ASAH2: variants seen among roughly 807,000 people sequenced by gnomAD.
ASAH2 encodes the protein N-acylsphingosine amidohydrolase 2.
In ASAH2, 58 loss-of-function variants were observed where a neutral mutation model predicts 82.9. That is an observed-to-expected ratio of 0.70 (90% confidence interval 0.57 to 0.87). The LOEUF (loss-of-function observed/expected upper bound fraction) is 0.87, where lower values mean the gene tolerates loss of function less well. Among genes scored for constraint, ASAH2 ranks in the 40% least tolerant of loss-of-function variants. The probability of loss-of-function intolerance (pLI) is 0.00; values close to 1 mark genes in which losing one functional copy is unlikely to be tolerated. For missense variants in ASAH2, 779 were observed against 834.0 expected (o/e 0.93, Z 0.81); for synonymous variants, 276 against 289.7 (o/e 0.95, Z 0.48).
chr10:50,214,566 T>C lies in ASAH2; in HGVS notation c.1140+177A>G, dbSNP rs1006579838. Among the ~76,000 whole-genome samples the C allele has an allele frequency of 9.2e-4, 140 of 152,326 alleles. 1 individual carries two copies. The East Asian group carries it at 0.026, about 28-fold the overall frequency. On this transcript the variant is annotated intron_variant, in intron 9 of 20. Transcript: ENST00000682911. ...AGTCACTCAAATGGAAAAATATAAC[T>C]TCACTCAGTTAAAATTTACTGGGTT...
chr10:50,211,110 C>T lies in ASAH2; in HGVS notation c.1252G>A (p.Glu418Lys), dbSNP rs1845443874. ...AKELYASASQ[E>K]VTGPLASAHQ... Reference sequence around the variant, plus strand: ...GCTGAAGCCAGTGGTCCTGTTACCTCCTGGGAGGCAGAGGCATAGAGTTCC... The same window carrying T: ...GCTGAAGCCAGTGGTCCTGTTACCTTCTGGGAGGCAGAGGCATAGAGTTCC... Residue 418 changes from glutamate (E) to lysine (K), a missense_variant, in exon 11 of 21, where the codon GAG becomes AAG. By Grantham distance (56) the Glu-to-Lys change is moderately conservative. Around this residue, in one of 3 missense-constraint regions of ASAH2, gnomAD observed 759 missense variants for 755.2 expected, o/e 1.00. Transcript: ENST00000682911. 11 of 1,613,390 alleles carry T rather than the reference C, an allele frequency of 6.8e-6. No homozygotes were observed. In the Admixed American group the frequency reaches 1.3e-4, roughly 20 times the overall value.
At chr10:50,221,952 G>A (rs913799578) in intron 7 of ASAH2, among the ~76,000 whole-genome samples, 2 of 152,220 alleles carry the variant, frequency 1.3e-5, no homozygotes, top group South Asian at 2.1e-4. Context: ...GAAGAGCTAC[G>A]CAAAGGAATC....
intron 2 of ASAH2, among the ~76,000 whole-genome samples, chr10:50,246,902 A>G (rs541942932): frequency 6.6e-6 from 1 of 152,348 alleles, no homozygotes; most frequent in South Asian, 2.1e-4. Context: ...AGTTATTTAC[A>G]ATCTCAGGGT....
chr10:50,207,304 A>G (rs1472186057), intron 12 of ASAH2, among the ~76,000 whole-genome samples: 2 of 151,872 alleles, frequency 1.3e-5, no homozygotes, highest in African/African-American at 2.4e-5. Context: ...AAATGTTGAA[A>G]AAGAAGGAAA....
At chr10:50,196,387 G>T (rs1382049987) in intron 18 of ASAH2, among the ~76,000 whole-genome samples, 3 of 151,458 alleles carry the variant, frequency 2.0e-5, no homozygotes, top group Non-Finnish European at 3.0e-5. Context: ...CCTCCCCCCA[G>T]AAAAACTGTT....
At chr10:50,202,103 G>T (rs1845164255) in intron 16 of ASAH2, among the ~76,000 whole-genome samples, 1 of 152,166 alleles carries the variant, frequency 6.6e-6, no homozygotes, top group South Asian at 2.1e-4. Flanking sequence ...TTCCTAGAAG[G>T]CAGGGACCTT....
chr10:50,225,735 A>G (rs985460811), intron 7 of ASAH2, among the ~76,000 whole-genome samples: 45 of 152,320 alleles, frequency 3.0e-4, no homozygotes, highest in African/African-American at 1.1e-3. Context: ...TCTTTGGCTC[A>G]GGAATCCCAT....
rs937475529 is a variant in ASAH2, at chr10:50,223,425, T to C, written c.894-4795A>G. On this transcript the variant is annotated intron_variant, in intron 7 of 20. Coordinates refer to ENST00000682911, the MANE Select transcript of ASAH2 (RefSeq NM_019893.4). ...CAGCCTCTGTGCAGCTCACTGAGCCTGGCACTTCAGCCAGCCCAGAAAAGA... is the reference window on the plus strand; with the variant it reads ...CAGCCTCTGTGCAGCTCACTGAGCCCGGCACTTCAGCCAGCCCAGAAAAGA... Among the ~76,000 whole-genome samples the C allele has an allele frequency of 3.7e-3, 557 of 152,264 alleles. 4 individuals are homozygous for C. Among genetic ancestry groups the C allele is most frequent in the African/African-American group, 0.012 (515 of 41,550 alleles).
rs1185585449 is a variant in ASAH2 at position 50,251,470 on chromosome 10, T to G, written c.-112A>C. Among the ~76,000 whole-genome samples the G allele has an allele frequency of 1.3e-5, 2 of 152,170 alleles. No individual in the cohort carries two copies. The highest frequency in any genetic ancestry group is 2.9e-5 in the Non-Finnish European group (2 of 68,022). On this transcript the variant is annotated 5_prime_UTR_variant, in exon 1 of 21. Transcript: ENST00000682911. ...ATCCAGAATCCTGTCCCCTTTCCCC[T>G]TGCACGTTGCTGGGCTTACACCTCT...
intron 1 of ASAH2, among the ~76,000 whole-genome samples, chr10:50,251,061 C>G (rs1846600665): frequency 1.3e-5 from 2 of 152,150 alleles, no homozygotes. Flanking sequence ...GATGCCTTCC[C>G]TGCCTTTAGA....
At chr10:50,206,660 A>G (rs1171427035) in intron 12 of ASAH2, among the ~76,000 whole-genome samples, 2 of 151,832 alleles carry the variant, frequency 1.3e-5, no homozygotes, top group African/African-American at 4.8e-5. Context: ...TGAATTAAGA[A>G]TCTATACTCT....
intron 18 of ASAH2, among the ~76,000 whole-genome samples, chr10:50,196,044 T>C (rs1285177871): frequency 2.6e-5 from 4 of 151,860 alleles, no homozygotes; most frequent in African/African-American, 4.8e-5. Flanking sequence ...TAAGAAAGTC[T>C]CAAATTTTCT....
At chr10:50,240,441 G>A in intron 4 of ASAH2, 1 of 701,900 alleles carries the variant, frequency 1.4e-6, no homozygotes, top group East Asian at 2.7e-5. Flanking sequence ...CTCACTTCTA[G>A]TTCCACTCTA....
At chr10:50,237,735 T>C in intron 4 of ASAH2, among the ~76,000 whole-genome samples, 1 of 152,204 alleles carries the variant, frequency 6.6e-6, no homozygotes, top group East Asian at 1.9e-4. Context: ...TTGCTGATTA[T>C]GCTTTAATAA....
intron 4 of ASAH2, among the ~76,000 whole-genome samples, chr10:50,241,687 C>T (rs577125613): frequency 1.3e-5 from 2 of 152,254 alleles, no homozygotes; most frequent in African/African-American, 4.8e-5. Flanking sequence ...GGCACATATA[C>T]ACCATGGAAT....
intron 18 of ASAH2, among the ~76,000 whole-genome samples, chr10:50,193,413 G>T (rs1844893978): frequency 6.8e-6 from 1 of 148,024 alleles, no homozygotes; most frequent in Non-Finnish European, 1.5e-5. Flanking sequence ...ATCATAGAGA[G>T]GATAGCTGCA....
intron 18 of ASAH2, among the ~76,000 whole-genome samples, chr10:50,193,994 T>G (rs2669793): frequency 8.2e-4 from 122 of 149,204 alleles, no homozygotes; most frequent in African/African-American, 2.6e-3. Flanking sequence ...ATATGAATGG[T>G]CATATAACAA....
chr10:50,202,966 T>C (rs1845195287), intron 15 of ASAH2, 42 bp from the exon 16 acceptor site: 2 of 1,202,334 alleles, frequency 1.7e-6, no homozygotes, highest in Non-Finnish European at 2.5e-6. Flanking sequence ...ACTCTTCATC[T>C]TTACGTATAT....
intron 15 of ASAH2, among the ~76,000 whole-genome samples, chr10:50,203,216 G>T (rs934290533): frequency 6.6e-6 from 1 of 151,920 alleles, no homozygotes; most frequent in African/African-American, 2.4e-5. Flanking sequence ...AATTTCCAGC[G>T]CTAAGTAACA....
Sources: gnomAD v4.1 joint callset for allele counts (sites outside exome capture counted in the v4.1 genomes callset) on GRCh38, gnomAD v4.1.1 for gene constraint, gnomAD v4.1.1 regional missense constraint, MANE v1.5 for transcripts, NCBI Gene and HGNC (gene_info 2026-07-23, HGNC 2026-07-21) for gene names.